The following ATP10D variants were observed in gnomAD, a reference collection of about 807,000 sequenced individuals.
ATP10D encodes the protein phospholipid-transporting ATPase VD.
ATP10D carries 89 observed loss-of-function variants against 144.8 expected under a neutral mutation model. The observed-to-expected ratio is 0.61, with a 90% CI of 0.52 to 0.73. The LOEUF (loss-of-function observed/expected upper bound fraction) is 0.73. Ranked by LOEUF, ATP10D falls within the 30% of genes least tolerant of loss-of-function variation. The pLI, the probability that ATP10D is intolerant of heterozygous loss-of-function variation, is 0.00. For missense variants in ATP10D, 1,603 were observed against 1,714.8 expected (o/e 0.93, Z 1.15); for synonymous variants, 571 against 615.1 (o/e 0.93, Z 1.06).
chr4:47,488,471 A>G (rs1217143499), intron 1 of ATP10D, among the ~76,000 whole-genome samples: 1 of 151,924 alleles, frequency 6.6e-6, no homozygotes, highest in Non-Finnish European at 1.5e-5. Flanking sequence ...ACCCCCTAGA[A>G]AATGTATTCC....
intron 22 of ATP10D, among the ~76,000 whole-genome samples, chr4:47,589,246 T>G (rs1029937996): frequency 6.6e-6 from 1 of 152,182 alleles, no homozygotes; most frequent in African/African-American, 2.4e-5. Context: ...GTGAAGCTAA[T>G]TTCATAATTT....
chr4:47,580,612 A>G, intron 20 of ATP10D, 134 bp downstream of exon 20: 1 of 760,778 alleles, frequency 1.3e-6, no homozygotes, highest in Non-Finnish European at 2.3e-6. Context: ...ACTAAATTAT[A>G]ATCTCCCCAA....
chr4:47,583,245 C>T (rs1031978691), intron 21 of ATP10D: 2 of 152,132 alleles, frequency 1.3e-5, no homozygotes, highest in Non-Finnish European at 2.9e-5. Flanking sequence ...CCACTGTATA[C>T]CAGTGTTAAA....
chr4:47,491,477 G>C, intron 1 of ATP10D: 2 of 680,264 alleles, frequency 2.9e-6, no homozygotes, highest in South Asian at 1.4e-5. Flanking sequence ...CGAATTACTG[G>C]AAGATGGTGG....
chr4:47,565,346 C>T (rs1005480120), intron 15 of ATP10D, among the ~76,000 whole-genome samples: 1 of 152,158 alleles, frequency 6.6e-6, no homozygotes, highest in African/African-American at 2.4e-5. Context: ...AGTGGGTTCC[C>T]CTTTACGGTG....
intron 16 of ATP10D, among the ~76,000 whole-genome samples, chr4:47,571,154 G>A (rs1719929691): frequency 6.6e-6 from 1 of 151,854 alleles, no homozygotes; most frequent in African/African-American, 2.4e-5. Flanking sequence ...CAATTATCTT[G>A]TTGAATAAAC....
chr4:47,559,405 A>T (rs994046724), intron 13 of ATP10D, among the ~76,000 whole-genome samples: 3 of 152,242 alleles, frequency 2.0e-5, no homozygotes, highest in African/African-American at 7.2e-5. Context: ...ATGAGGGCAC[A>T]GATGAGCCTT....
intron 10 of ATP10D, among the ~76,000 whole-genome samples, chr4:47,550,966 G>A (rs1355856307): frequency 1.3e-5 from 2 of 152,254 alleles, no homozygotes; most frequent in Non-Finnish European, 2.9e-5. Context: ...CCATACAAAG[G>A]GAGGGAACCC....
chr4:47,555,872 G>A (rs1718966867), intron 11 of ATP10D, among the ~76,000 whole-genome samples: 3 of 151,832 alleles, frequency 2.0e-5, no homozygotes, highest in Admixed American at 2.0e-4. Flanking sequence ...TTCTGCCTCA[G>A]CCTCCTGAGT....
Position 47,563,711 on chromosome 4 carries a change from A to T in ATP10D, c.2799A>T (p.Ala933=), listed in dbSNP as rs1297324074. Residue 933 remains alanine, a synonymous_variant, in exon 15 of 23, where the codon GCA becomes GCT. Transcript: ENST00000273859. ...AGACAGCTGTCAACATAGCTTATGCATGCAAACTACTGGAGCCAGATGACA... is the reference window on the plus strand; with the variant it reads ...AGACAGCTGTCAACATAGCTTATGCTTGCAAACTACTGGAGCCAGATGACA... ...KQETAVNIAY[A]CKLLEPDDKL... The T allele has an allele frequency of 6.2e-7, 1 of 1,613,648 alleles. No homozygotes were observed. Among genetic ancestry groups the T allele is most frequent in the Non-Finnish European group, 8.5e-7 (1 of 1,179,910 alleles).
At position 47,572,154 on chromosome 4, in the gene ATP10D, G is replaced by A. The variant is rs372999962; in HGVS notation, c.3164G>A (p.Gly1055Asp). ...TCTCCTTTTTTTCTGCCTCATGAAG[G>A]TGATGGTGCCAATGATGTTAGCATG... ...SHLQVMTLAI[G>D]DGANDVSMIQ... is the part of the protein sequence containing the mutation. The change falls in exon 17 of 23, where the codon GGT becomes GAT. Residue 1055 changes from glycine to aspartate, a missense_variant and splice_region_variant. By Grantham distance (94) the Gly-to-Asp change is moderately conservative. Transcript: ENST00000273859. The A allele has an allele frequency of 1.2e-6, 2 of 1,613,870 alleles. No homozygotes were observed. The highest frequency in any genetic ancestry group is 1.7e-6 in the Non-Finnish European group (2 of 1,179,890).
intron 1 of ATP10D, among the ~76,000 whole-genome samples, chr4:47,502,882 T>C (rs1014319420): frequency 6.6e-6 from 1 of 152,196 alleles, no homozygotes; most frequent in African/African-American, 2.4e-5. Flanking sequence ...GTGAAAATTC[T>C]AATTTGACTC....
Position 47,554,820 on chromosome 4 carries a change from CACCAATGGAA to C in ATP10D, c.1733_1742del (p.Pro578LeufsTer17). 1 of 1,614,070 alleles carries C rather than the reference CACCAATGGAA, an allele frequency of 6.2e-7. No homozygotes were observed. The highest frequency in any genetic ancestry group is 8.5e-7 in the Non-Finnish European group (1 of 1,179,980). ...CCACTAGATGAGACCATCCAAAATC[CACCAATGGAA>C]ACTTTGTACATTATCGACTTTTTCA... On this transcript the variant is annotated frameshift_variant, in exon 11 of 23. Transcript: ENST00000273859. LOFTEE classifies it high-confidence loss of function.
intron 5 of ATP10D, among the ~76,000 whole-genome samples, chr4:47,526,340 C>A (rs1387022573): frequency 6.6e-6 from 1 of 152,158 alleles, no homozygotes; most frequent in Admixed American, 6.5e-5. Flanking sequence ...ACTAGGTGGT[C>A]ATCTCATAGA....
intron 11 of ATP10D, among the ~76,000 whole-genome samples, chr4:47,557,277 T>A (rs74501810): frequency 0.025 from 3,871 of 152,162 alleles, 149 homozygotes; most frequent in African/African-American, 0.089. Flanking sequence ...TTCCTGTATT[T>A]CAAGTTATTT....
At chr4:47,562,304 C>A (rs1215664831) in intron 14 of ATP10D, among the ~76,000 whole-genome samples, 1 of 152,028 alleles carries the variant, frequency 6.6e-6, no homozygotes, top group African/African-American at 2.4e-5. Context: ...GAACTGTAGA[C>A]CCATGAAAGA....
chr4:47,587,283 G>A (rs1720837183), intron 22 of ATP10D, 77 bp downstream of exon 22: 3 of 1,319,822 alleles, frequency 2.3e-6, no homozygotes, highest in Admixed American at 2.2e-5. Flanking sequence ...ACACTACTAC[G>A]AATGGTTGGC....
At chr4:47,509,955 T>C (rs375998147) in intron 1 of ATP10D, among the ~76,000 whole-genome samples, 17,387 of 149,660 alleles carry the variant, frequency 0.12, 1,263 homozygotes, top group South Asian at 0.23. Flanking sequence ...TGTGTGTGTG[T>C]GTGTGTGTGT....
chr4:47,530,824 TTC>T (rs1434008164), intron 5 of ATP10D, among the ~76,000 whole-genome samples: 3 of 152,252 alleles, frequency 2.0e-5, no homozygotes, highest in Non-Finnish European at 1.5e-5. Context: ...TAAACTATCC[TTC>T]TGTCTCTGGA....
Sources: allele counts gnomAD v4.1 joint callset (sites outside exome capture counted in the v4.1 genomes callset), GRCh38; gene constraint gnomAD v4.1.1; transcripts MANE v1.5; gene names NCBI Gene and HGNC (gene_info 2026-07-23, HGNC 2026-07-21).